UBAP2: variants seen among roughly 807,000 people sequenced by gnomAD.
UBAP2 encodes the protein ubiquitin associated protein 2, also known as ubiquitin-associated protein 2.
Under a neutral mutation model 139.6 loss-of-function variants are expected in UBAP2, and 75 were observed. That is an observed-to-expected ratio of 0.54 (90% CI 0.45 to 0.65). The LOEUF (loss-of-function observed/expected upper bound fraction) is 0.65. Ranked by LOEUF, UBAP2 falls within the 30% of genes least tolerant of loss-of-function variation. The probability of loss-of-function intolerance (pLI) is 0.00; values close to 1 mark genes in which losing one functional copy is unlikely to be tolerated. For synonymous variants in UBAP2, 526 were observed against 526.2 expected (o/e 1.00, Z 0.01); for missense variants, 1,368 against 1,369.6 (o/e 1.00, Z 0.02).
chr9:33,998,655 C>T (rs1822408481), intron 3 of UBAP2, 132 bp downstream of exon 3: 2 of 726,574 alleles, frequency 2.8e-6, no homozygotes, highest in Non-Finnish European at 4.3e-6. Context: ...GTCCAAAATC[C>T]AATATACAGA....
chr9:34,022,349 T>A (rs763961511), intron 1 of UBAP2, among the ~76,000 whole-genome samples: 8 of 151,278 alleles, frequency 5.3e-5, no homozygotes, highest in Admixed American at 4.6e-4. Flanking sequence ...CATGCACCTG[T>A]AAGTCCCAGC....
chr9:34,012,006 T>G (rs542868290), intron 2 of UBAP2, among the ~76,000 whole-genome samples: 39 of 151,490 alleles, frequency 2.6e-4, no homozygotes, highest in African/African-American at 9.0e-4. Context: ...ATTAACAGTC[T>G]ACTAAGCCTG....
chr9:33,942,556 T>C (rs1046230151), intron 15 of UBAP2, among the ~76,000 whole-genome samples: 1 of 151,742 alleles, frequency 6.6e-6, no homozygotes, highest in Admixed American at 6.6e-5. Flanking sequence ...GACGAAACCC[T>C]GTCTCTACAA....
intron 20 of UBAP2, 32 bp from the exon 21 acceptor site, chr9:33,927,112 A>C: frequency 1.3e-6 from 2 of 1,542,954 alleles, no homozygotes; most frequent in Non-Finnish European, 1.8e-6. Context: ...ATGGAGTGAA[A>C]TGGTCACCAC....
rs1317964710 is a variant in UBAP2, at chr9:33,933,705, C to G, written c.1970-77G>C. ...AATCCTAAGTGCCTGAAAATATGCT[C>G]AATATCTTGTGACATGTCAGCCTCA... is the stretch of plus-strand genomic sequence containing the variant. On this transcript the variant is annotated intron_variant, in intron 17 of 28. Transcript: ENST00000379238. 1.9e-6 allele frequency: 3 copies of G among 1,569,456 alleles called. No homozygotes were observed. In the African/African-American group the frequency reaches 4.0e-5, roughly 21 times the overall value.
At chr9:34,013,416 T>C (rs900487423) in intron 2 of UBAP2, among the ~76,000 whole-genome samples, 1 of 150,510 alleles carries the variant, frequency 6.6e-6, no homozygotes, top group African/African-American at 2.5e-5. Flanking sequence ...CCAGGCGAGG[T>C]GGAGGCAGAG....
chr9:33,943,282 G>A (rs1225763469), intron 15 of UBAP2, 138 bp downstream of exon 15: 2 of 778,446 alleles, frequency 2.6e-6, no homozygotes, highest in African/African-American at 1.7e-5. Flanking sequence ...TCTGCTACAG[G>A]TATGGGGTTT....
chr9:34,036,804 C>CT (rs1826414580), intron 1 of UBAP2, among the ~76,000 whole-genome samples: 2 of 137,840 alleles, frequency 1.5e-5, no homozygotes, highest in Non-Finnish European at 3.2e-5. Flanking sequence ...TTAAGTTTTT[C>CT]TCTTTTTTTT....
chr9:33,981,303 AT>A (rs1820738484), intron 6 of UBAP2, among the ~76,000 whole-genome samples: 1 of 51,366 alleles, frequency 1.9e-5, no homozygotes, highest in Admixed American at 1.6e-4. Flanking sequence ...TATATTCTGG[AT>A]ATATATATAT....
intron 16 of UBAP2, among the ~76,000 whole-genome samples, chr9:33,940,665 G>C (rs1825125608): frequency 6.6e-6 from 1 of 152,186 alleles, no homozygotes; most frequent in African/African-American, 2.4e-5. Flanking sequence ...TGTAGTCCCA[G>C]CTCTTTGGGA....
At chr9:34,008,648 T>C (rs1288171218) in intron 2 of UBAP2, among the ~76,000 whole-genome samples, 4 of 141,170 alleles carry the variant, frequency 2.8e-5, no homozygotes, top group African/African-American at 5.3e-5. Context: ...ACTAACACTT[T>C]ACAGAAAAGG....
chr9:33,923,099 T>A, intron 26 of UBAP2, 66 bp from the exon 27 acceptor site: 1 of 1,612,062 alleles, frequency 6.2e-7, no homozygotes, highest in Non-Finnish European at 8.5e-7. Flanking sequence ...ACCTCCAGGA[T>A]CACTCAGGGG....
intron 13 of UBAP2, among the ~76,000 whole-genome samples, chr9:33,945,934 A>T (rs1368814605): frequency 6.6e-6 from 1 of 152,254 alleles, no homozygotes; most frequent in Non-Finnish European, 1.5e-5. Context: ...TACCTGTAGG[A>T]TCAACTGGTA....
chr9:34,009,384 C>G (rs1823542055), intron 2 of UBAP2, among the ~76,000 whole-genome samples: 1 of 152,028 alleles, frequency 6.6e-6, no homozygotes, highest in Non-Finnish European at 1.5e-5. Flanking sequence ...CAGACGCAAG[C>G]CACCACACCT....
intron 1 of UBAP2, among the ~76,000 whole-genome samples, chr9:34,031,849 C>T (rs1825920465): frequency 6.6e-6 from 1 of 151,298 alleles, no homozygotes; most frequent in Non-Finnish European, 1.5e-5. Context: ...ACAAAAAGTG[C>T]TAATAGGCCA....
chr9:33,932,985 T>C (rs1035782466), intron 18 of UBAP2, among the ~76,000 whole-genome samples: 3 of 152,224 alleles, frequency 2.0e-5, no homozygotes, highest in Non-Finnish European at 4.4e-5. Flanking sequence ...CACATGCCAA[T>C]TCCCATCAAA....
intron 4 of UBAP2, 46 bp from the exon 5 acceptor site, chr9:33,989,172 A>G (rs1189762683): frequency 6.5e-7 from 1 of 1,540,524 alleles, no homozygotes. Context: ...CAAAGTGTGT[A>G]CAATTATCAA....
intron 13 of UBAP2, among the ~76,000 whole-genome samples, chr9:33,946,772 T>A (rs1052566144): frequency 1.3e-5 from 2 of 152,196 alleles, no homozygotes; most frequent in Non-Finnish European, 1.5e-5. Context: ...CTTGGTATTA[T>A]AGGCATGCAC....
At chr9:33,937,755 CAAAAAAAA>C (rs34776998) in intron 16 of UBAP2, among the ~76,000 whole-genome samples, 1 of 103,606 alleles carries the variant, frequency 9.7e-6, no homozygotes, top group Non-Finnish European at 2.0e-5. Flanking sequence ...TTAAAAAATA[CAAAAAAAA>C]AAAAAAAAAT....
Sources: allele counts gnomAD v4.1 joint callset (sites outside exome capture counted in the v4.1 genomes callset), GRCh38; gene constraint gnomAD v4.1.1; transcripts MANE v1.5; gene names NCBI Gene and HGNC (gene_info 2026-07-23, HGNC 2026-07-21).